SYN3: variants seen among roughly 807,000 people sequenced by gnomAD.
SYN3 encodes the protein synapsin III.
A neutral mutation model predicts 65.8 loss-of-function variants in SYN3; 35 were observed. The observed-to-expected ratio is 0.53, with a 90% CI of 0.41 to 0.70. The LOEUF (loss-of-function observed/expected upper bound fraction) is 0.70, where lower values mean the gene tolerates loss of function less well. SYN3 is among the 30% of genes least tolerant of loss of function. The pLI is 0.00. For missense variants in SYN3, 680 were observed against 749.0 expected, an observed-to-expected ratio of 0.91 and a Z score of 1.08; for synonymous variants, 270 against 292.9, an observed-to-expected ratio of 0.92 and a Z score of 0.80.
At chr22:32,796,182 G>T (rs537425735) in intron 6 of SYN3, among the ~76,000 whole-genome samples, 1 of 152,236 alleles carries the variant, frequency 6.6e-6, no homozygotes, top group East Asian at 1.9e-4. Context: ...AGAAATAATT[G>T]ACTGCTTGAA....
At chr22:32,664,642 G>A (rs2060264315) in intron 6 of SYN3, among the ~76,000 whole-genome samples, 3 of 137,446 alleles carry the variant, frequency 2.2e-5, no homozygotes, top group South Asian at 4.8e-4. Context: ...CCAGGCTGGA[G>A]TGCAGTGGTG....
intron 3 of SYN3, among the ~76,000 whole-genome samples, chr22:32,934,160 A>G (rs2050712079): frequency 6.6e-6 from 1 of 152,254 alleles, no homozygotes; most frequent in Admixed American, 6.5e-5. Context: ...AGAATTAAGA[A>G]GAAAAGTTGT....
intron 3 of SYN3, among the ~76,000 whole-genome samples, chr22:32,966,700 A>C (rs2051856938): frequency 6.6e-6 from 1 of 152,136 alleles, no homozygotes; most frequent in African/African-American, 2.4e-5. Flanking sequence ...GGACCACTTG[A>C]GCACAGGAGT....
At chr22:32,546,733 G>A (rs1366113048) in intron 7 of SYN3, among the ~76,000 whole-genome samples, 3 of 151,908 alleles carry the variant, frequency 2.0e-5, no homozygotes, top group Non-Finnish European at 4.4e-5. Context: ...CTGAAAACAG[G>A]AAGCCCTCAA....
chr22:32,973,945 C>T (rs539348021), intron 3 of SYN3, among the ~76,000 whole-genome samples: 14 of 152,288 alleles, frequency 9.2e-5, no homozygotes, highest in Non-Finnish European at 1.8e-4. Context: ...TGCATCACCA[C>T]GCCTGGCTGA....
chr22:32,955,695 G>A (rs1265652356), intron 3 of SYN3, among the ~76,000 whole-genome samples: 11 of 152,084 alleles, frequency 7.2e-5, no homozygotes, highest in Non-Finnish European at 1.5e-4. Context: ...TGATGGGATT[G>A]AAGAATGCAA....
rs140780810 is a variant in SYN3, at chr22:32,508,284, G to A, written c.*5408C>T. 7.2e-5 allele frequency among the ~76,000 whole-genome samples: 11 copies of A among 151,908 alleles called. No homozygotes were observed. The highest frequency in any genetic ancestry group is 1.5e-4 in the African/African-American group (6 of 41,304). ...TCCTTCTTCTGGCTCAGAAGCTCCC[G>A]CACTGAGCACCTTGTGACCCCCGCC... is the stretch of plus-strand genomic sequence containing the variant. On this transcript the variant is annotated 3_prime_UTR_variant, in exon 14 of 14. Coordinates refer to ENST00000358763, the MANE Select transcript of SYN3 (RefSeq NM_003490.4).
chr22:32,616,903 A>T (rs2059528219), intron 6 of SYN3, among the ~76,000 whole-genome samples: 1 of 152,070 alleles, frequency 6.6e-6, no homozygotes, highest in Non-Finnish European at 1.5e-5. Context: ...AGAGGAAAGG[A>T]CGTTCCAGGC....
In SYN3 at chr22:32,760,523, G is replaced by C. The variant is rs571962689; in HGVS notation, c.711+104392C>G. 3.3e-5 allele frequency among the ~76,000 whole-genome samples: 5 copies of C among 152,158 alleles called. No individual in the cohort carries two copies. The East Asian group carries it at 9.8e-4, about 30-fold the overall frequency. On this transcript the variant is annotated intron_variant, in intron 6 of 13. Transcript: ENST00000358763. The stretch of plus-strand genomic sequence containing the variant: ...GGGCATGAGGTGGACATTCCTTTTG[G>C]AGTGGTCTTCCCTTCCACCACAGTC...
At chr22:32,813,538 T>A in intron 6 of SYN3, among the ~76,000 whole-genome samples, 1 of 141,930 alleles carries the variant, frequency 7.0e-6, no homozygotes, top group East Asian at 2.1e-4. Flanking sequence ...CACACACACG[T>A]GGACCAAACA....
chr22:32,733,024 T>A (rs2061290381), intron 6 of SYN3, among the ~76,000 whole-genome samples: 1 of 152,182 alleles, frequency 6.6e-6, no homozygotes, highest in African/African-American at 2.4e-5. Flanking sequence ...TAGTTAAACT[T>A]TAAAGTCATG....
intron 4 of SYN3, among the ~76,000 whole-genome samples, chr22:32,914,065 A>C (rs1426777993): frequency 6.6e-6 from 1 of 152,218 alleles, no homozygotes; most frequent in Non-Finnish European, 1.5e-5. Context: ...AACTTAGGTT[A>C]GTTTCTATTA....
chr22:32,528,112 T>G (rs2058011018), intron 11 of SYN3, 107 bp from the exon 12 acceptor site: 2 of 873,012 alleles, frequency 2.3e-6, no homozygotes, highest in African/African-American at 1.7e-5. Context: ...AAGAGACTCT[T>G]ACACATAAAG....
At chr22:32,995,704 C>G (rs2052859079) in intron 2 of SYN3, among the ~76,000 whole-genome samples, 1 of 152,042 alleles carries the variant, frequency 6.6e-6, no homozygotes. Context: ...CCCTCTGCCA[C>G]CAGGCTGGAG....
chr22:32,674,898 A>G (rs1282478947), intron 6 of SYN3, among the ~76,000 whole-genome samples: 1 of 152,216 alleles, frequency 6.6e-6, no homozygotes, highest in Non-Finnish European at 1.5e-5. Flanking sequence ...ATCTCATCTA[A>G]TCATCACAGA....
intron 3 of SYN3, 150 bp downstream of exon 3, chr22:32,980,495 T>G: frequency 1.4e-6 from 1 of 716,094 alleles, no homozygotes; most frequent in Non-Finnish European, 2.4e-6. Flanking sequence ...AATTCTGAAA[T>G]TTAATGAGAC....
chr22:32,921,513 A>G lies in SYN3; in HGVS notation c.461+9877T>C, dbSNP rs548274121. Among the ~76,000 whole-genome samples the G allele has an allele frequency of 3.3e-5, 5 of 152,292 alleles. No individual in the cohort carries two copies. The South Asian group carries it at 1.0e-3, about 32-fold the overall frequency. On this transcript the variant is annotated intron_variant, in intron 4 of 13. Coordinates refer to ENST00000358763, the MANE Select transcript of SYN3 (RefSeq NM_003490.4). ...CTCACGCCAGCCTGGTGTGGGCTCA[A>G]CAGGACCAGAGGCTGGTGGAGTGGA...
chr22:32,656,182 T>C (rs1291361045), intron 6 of SYN3, among the ~76,000 whole-genome samples: 1 of 152,210 alleles, frequency 6.6e-6, no homozygotes, highest in African/African-American at 2.4e-5. Context: ...ATTCTGCAAA[T>C]TTCTGCAGGG....
chr22:32,955,106 A>C (rs2051411368), intron 3 of SYN3, among the ~76,000 whole-genome samples: 1 of 151,972 alleles, frequency 6.6e-6, no homozygotes, highest in Non-Finnish European at 1.5e-5. Flanking sequence ...TTTACCCTCC[A>C]TATGATCCAG....
Sources: gnomAD v4.1 joint callset for allele counts (sites outside exome capture counted in the v4.1 genomes callset) on GRCh38, gnomAD v4.1.1 for gene constraint, MANE v1.5 for transcripts, NCBI Gene and HGNC (gene_info 2026-07-23, HGNC 2026-07-21) for gene names.